DDX3X: variants seen among roughly 807,000 people sequenced by gnomAD.
The protein encoded by DDX3X is ATP-dependent RNA helicase DDX3X.
A neutral mutation model predicts 52.7 loss-of-function variants in DDX3X; 4 were observed. That is an observed-to-expected ratio of 0.08 (90% confidence interval 0.04 to 0.17). DDX3X has a LOEUF of 0.17. DDX3X is among the 10% of genes least tolerant of loss of function. The probability of loss-of-function intolerance (pLI) is 1.00; values close to 1 mark genes in which losing one functional copy is unlikely to be tolerated. For missense variants in DDX3X, 222 were observed against 548.6 expected (o/e 0.40, Z 5.95); for synonymous variants, 192 against 178.1 (o/e 1.08, Z -0.62).
chrX:41,334,927 T>C (rs1346263825), intron 1 of DDX3X: 1 of 279,749 alleles, frequency 3.6e-6, no homozygotes, highest in Admixed American at 7.2e-5. Flanking sequence ...AATGGGTTTC[T>C]TGTTTTTTCC....
At chrX:41,346,206 A>C (rs760833607) in intron 12 of DDX3X, 23 bp from the exon 13 acceptor site, 1 of 1,189,133 alleles carries the variant, frequency 8.4e-7, no homozygotes, top group East Asian at 3.0e-5. Context: ...TAGTGACAAA[A>C]ACCTATAATT....
At chrX:41,351,750 C>G (rs1345379959), downstream of DDX3X, 1 of 111,409 alleles carries the variant, frequency 9.0e-6, no homozygotes, top group African/African-American at 3.3e-5. Context: ...TGTGGCTGTC[C>G]TCTATAATGA....
chrX:41,339,494 TAAC>T (rs1417773666), intron 3 of DDX3X: 1 of 113,197 alleles, frequency 8.8e-6, no homozygotes, highest in African/African-American at 3.2e-5. Flanking sequence ...GTAGAACAGT[TAAC>T]AAGTTACAGC....
intron 5 of DDX3X, among the ~76,000 whole-genome samples, chrX:41,361,747 A>G (rs955567703): frequency 9.0e-6 from 1 of 111,425 alleles, no homozygotes; most frequent in Non-Finnish European, 1.9e-5. Flanking sequence ...CTGGGATTAC[A>G]GGCATGAGCC....
At chrX:41,351,506 C>T (rs950308548), downstream of DDX3X, 1 of 111,295 alleles carries the variant, frequency 9.0e-6, no homozygotes, top group African/African-American at 3.3e-5. Flanking sequence ...CACAGGCTTG[C>T]TCTTTAGAGC....
chrX:41,347,795 G>A lies in DDX3X; in HGVS notation c.*76G>A. ...ATGTAACTTAGCCAGACTATACCTT[G>A]TGTAGCTTCAAGAACTCGCAGTACA... On this transcript the variant is annotated 3_prime_UTR_variant, in exon 17 of 17. Transcript: ENST00000644876. 2 of 702,279 alleles carry A rather than the reference G, an allele frequency of 2.8e-6. No homozygotes were observed. The highest frequency in any genetic ancestry group is 2.1e-6 in the Non-Finnish European group (1 of 465,987). 57.9% of individuals were successfully genotyped at this position (702,279 alleles called of 1,213,427 possible).
rs1296717610 is a variant in DDX3X at position 41,346,579 on chromosome X, A to G, written c.1572A>G (p.Glu524=). Residue 524 remains glutamate, a synonymous_variant, in exon 14 of 17, where the codon GAA becomes GAG. Coordinates refer to ENST00000644876, the MANE Select transcript of DDX3X (RefSeq NM_001356.5). Reference sequence around the variant, plus strand: ...TTGACTTGCCAAGTGATATTGAAGAATATGTACATCGTATTGGTCGTACGG... The same window carrying G: ...TTGACTTGCCAAGTGATATTGAAGAGTATGTACATCGTATTGGTCGTACGG... ...INFDLPSDIE[E]YVHRIGRTGR... 1.7e-6 allele frequency: 2 copies of G among 1,209,576 alleles called. No homozygotes were observed. Among genetic ancestry groups the G allele is most frequent in the South Asian group, 3.5e-5 (2 of 56,761 alleles).
intron 5 of DDX3X, among the ~76,000 whole-genome samples, chrX:41,356,996 T>A (rs1465803106): frequency 1.0e-5 from 1 of 99,034 alleles, no homozygotes; most frequent in Non-Finnish European, 2.0e-5. Context: ...TGTAGTGGCA[T>A]GATCTCAGCT....
chrX:41,336,217 T>G (rs1188092712), intron 1 of DDX3X: 1 of 112,279 alleles, frequency 8.9e-6, no homozygotes, highest in Non-Finnish European at 1.9e-5. Context: ...CTTGGTCTTT[T>G]GTGGCTTTTT....
chrX:41,336,211 G>A (rs993966425), intron 1 of DDX3X: 5 of 112,018 alleles, frequency 4.5e-5, no homozygotes, highest in African/African-American at 1.6e-4. Flanking sequence ...GTGTGACTTG[G>A]TCTTTTGTGG....
chrX:41,347,602 C>G (rs764856880), intron 16 of DDX3X, 38 bp from the exon 17 acceptor site: 1 of 1,147,711 alleles, frequency 8.7e-7, no homozygotes, highest in African/African-American at 1.8e-5. Context: ...TGATGGATAA[C>G]TTCATTAATT....
chrX:41,342,867 CAGAG>C (rs747668542), intron 6 of DDX3X, 31 bp downstream of exon 6: 46 of 1,092,850 alleles, frequency 4.2e-5, no homozygotes, highest in East Asian at 1.8e-4. Context: ...TTTTAAGACA[CAGAG>C]AGGTTAAATG....
At chrX:41,334,811 T>C in intron 1 of DDX3X, 1 of 889,428 alleles carries the variant, frequency 1.1e-6, no homozygotes, top group South Asian at 2.3e-5. Flanking sequence ...CGGCCTTCGC[T>C]CGGGGTAATG....
At position 41,346,413 on chromosome X, in the gene DDX3X, A is replaced by G. The variant is rs1569240111; in HGVS notation, c.1497+3A>G. On this transcript the variant is annotated splice_donor_region_variant and intron_variant, in intron 13 of 16. Transcript: ENST00000644876. ...GCCCAATTTTAGTGGCTACAGCAGT[A>G]TGTATAAACATCTTTCTTTTATTCA... is the stretch of plus-strand genomic sequence containing the variant. 1 of 1,204,145 alleles carries G rather than the reference A, an allele frequency of 8.3e-7. No individual in the cohort carries two copies.
chrX:41,343,519 C>T (rs912714230), intron 7 of DDX3X, 168 bp downstream of exon 7: 11 of 529,434 alleles, frequency 2.1e-5, no homozygotes, highest in Admixed American at 9.0e-5. Flanking sequence ...GGCTGTATTC[C>T]GTAAGAGCTT....
Position 41,347,404 on chromosome X carries a change from G to C in DDX3X, c.1862G>C (p.Ser621Thr). The change falls in exon 16 of 17, where the codon AGC becomes ACC. Residue 621 changes from serine (S) to threonine (T), a missense_variant. Transcript: ENST00000644876. ...SSFSSSRASS[S>T]RSGGGGHGSS... Reference sequence around the variant, plus strand: ...TTCAGCAGCAGCCGCGCAAGCAGCAGCCGCAGTGGCGGAGGTGGCCACGGT... The same window carrying C: ...TTCAGCAGCAGCCGCGCAAGCAGCACCCGCAGTGGCGGAGGTGGCCACGGT... 8.3e-7 allele frequency: 1 copy of C among 1,211,800 alleles called. No individual in the cohort carries two copies. Among genetic ancestry groups the C allele is most frequent in the Non-Finnish European group, 1.1e-6 (1 of 895,413 alleles).
At position 41,338,990 on chromosome X, in the gene DDX3X, G is replaced by T. The variant is rs1051294058; in HGVS notation, c.104-46G>T. 8.1e-6 allele frequency: 5 copies of T among 614,150 alleles called. No homozygotes were observed. In the African/African-American group the frequency reaches 1.2e-4, roughly 15 times the overall value. 50.6% of individuals were successfully genotyped at this position (614,150 alleles called of 1,213,427 possible). ...TAGTAACAGAAATTTAAATGGGAAG[G>T]TTTTTTGGCATTTAATTAATTTTAT... On this transcript the variant is annotated intron_variant, in intron 2 of 16. Coordinates refer to ENST00000644876, the MANE Select transcript of DDX3X (RefSeq NM_001356.5).
intron 12 of DDX3X, chrX:41,345,771 CTGATAGGCA>C (rs1293273752): frequency 7.9e-6 from 3 of 381,521 alleles, no homozygotes; most frequent in African/African-American, 7.8e-5. Flanking sequence ...GTGTGGACAC[CTGATAGGCA>C]TAGTACACTA....
At chrX:41,333,980 G>A (rs191047028), upstream of DDX3X, 43 of 340,370 alleles carry the variant, frequency 1.3e-4, no homozygotes, top group Admixed American at 1.2e-3. Context: ...AGGCAGGACT[G>A]CTAGGGGCGA....
Sources: gnomAD v4.1 joint callset for allele counts (sites outside exome capture counted in the v4.1 genomes callset) on GRCh38, gnomAD v4.1.1 for gene constraint, MANE v1.5 for transcripts, NCBI Gene and HGNC (gene_info 2026-07-23, HGNC 2026-07-21) for gene names.